Variants in IL15 observed in about 807,000 individuals in gnomAD.
IL15 encodes interleukin 15.
IL15 carries 11 observed loss-of-function variants against 19.6 expected under a neutral mutation model. That is an observed-to-expected ratio of 0.56 (90% CI 0.35 to 0.93). The LOEUF (loss-of-function observed/expected upper bound fraction) is 0.93, where lower values mean the gene tolerates loss of function less well. Among genes scored for constraint, IL15 ranks in the 40% least tolerant of loss-of-function variants. The pLI is 0.01. For synonymous variants in IL15, 58 were observed against 59.6 expected (o/e 0.97, Z 0.12); for missense variants, 197 against 186.5 (o/e 1.06, Z -0.33).
chr4:141,696,438 A>G (rs971885859), intron 2 of IL15, among the ~76,000 whole-genome samples: 2 of 152,070 alleles, frequency 1.3e-5, no homozygotes, highest in African/African-American at 4.8e-5. Context: ...CATGAATTTT[A>G]GAATTTCTTT....
intron 4 of IL15, chr4:141,720,786 G>A (rs1003369127): frequency 1.6e-5 from 9 of 566,292 alleles, no homozygotes; most frequent in African/African-American, 3.8e-5. Flanking sequence ...AAGCATTATA[G>A]CCCTCAAATA....
intron 6 of IL15, among the ~76,000 whole-genome samples, chr4:141,729,414 C>A (rs60244316): frequency 0.026 from 3,998 of 152,204 alleles, 179 homozygotes; most frequent in African/African-American, 0.091. Flanking sequence ...CCCTCTGGAA[C>A]TTTGGAACTT....
At chr4:141,651,243 AT>A (rs1288038116) in intron 1 of IL15, among the ~76,000 whole-genome samples, 3 of 151,972 alleles carry the variant, frequency 2.0e-5, no homozygotes, top group Non-Finnish European at 2.9e-5. Context: ...ATGAAATACT[AT>A]TCAGCCATAA....
At chr4:141,646,832 T>C (rs1727242197) in intron 1 of IL15, among the ~76,000 whole-genome samples, 1 of 152,088 alleles carries the variant, frequency 6.6e-6, no homozygotes, top group African/African-American at 2.4e-5. Context: ...ACATCTCCCT[T>C]CATTAGAATA....
chr4:141,657,475 C>T (rs1298784042), intron 2 of IL15, among the ~76,000 whole-genome samples: 4 of 151,834 alleles, frequency 2.6e-5, no homozygotes, highest in African/African-American at 9.7e-5. Flanking sequence ...TTTTCTTTAA[C>T]TTTTTGACTT....
chr4:141,651,903 C>T (rs559664237), intron 1 of IL15, among the ~76,000 whole-genome samples: 1 of 152,132 alleles, frequency 6.6e-6, no homozygotes, highest in South Asian at 2.1e-4. Context: ...ATAAAACCCT[C>T]CAAAGAAATC....
chr4:141,675,440 A>T, intron 2 of IL15, among the ~76,000 whole-genome samples: 1 of 152,302 alleles, frequency 6.6e-6, no homozygotes, highest in South Asian at 2.1e-4. Context: ...GAACTCCAGC[A>T]CTATAAGTCT....
intron 5 of IL15, among the ~76,000 whole-genome samples, chr4:141,725,130 C>G (rs1375331526): frequency 1.3e-5 from 2 of 152,104 alleles, no homozygotes; most frequent in Non-Finnish European, 2.9e-5. Context: ...GTACACAAGT[C>G]TTGCTCAATT....
chr4:141,664,390 CAA>C (rs56935103), intron 2 of IL15, among the ~76,000 whole-genome samples: 5 of 139,560 alleles, frequency 3.6e-5, no homozygotes, highest in Admixed American at 2.1e-4. Context: ...CACACACACA[CAA>C]AACCAACAAC....
At chr4:141,656,937 G>A (rs1047058543) in intron 2 of IL15, among the ~76,000 whole-genome samples, 15 of 152,062 alleles carry the variant, frequency 9.9e-5, no homozygotes, top group African/African-American at 2.7e-4. Context: ...GTTCAGTCTC[G>A]ATAACTAAAC....
chr4:141,719,757 C>T (rs1409584313), intron 3 of IL15, among the ~76,000 whole-genome samples: 1 of 151,940 alleles, frequency 6.6e-6, no homozygotes, highest in East Asian at 1.9e-4. Flanking sequence ...ATTGTGTAGT[C>T]TTAGAGGGCA....
chr4:141,682,780 C>T (rs1728575296), intron 2 of IL15, among the ~76,000 whole-genome samples: 2 of 152,148 alleles, frequency 1.3e-5, no homozygotes, highest in South Asian at 4.2e-4. Flanking sequence ...CACAGTGAAA[C>T]CCGGTCTCTA....
chr4:141,690,400 T>G (rs1055417627), intron 2 of IL15, among the ~76,000 whole-genome samples: 1 of 152,204 alleles, frequency 6.6e-6, no homozygotes, highest in African/African-American at 2.4e-5. Context: ...CTGTGAGGAC[T>G]GACAGCAGGC....
chr4:141,667,345 C>A (rs1728024799), intron 2 of IL15, among the ~76,000 whole-genome samples: 1 of 152,116 alleles, frequency 6.6e-6, no homozygotes, highest in Non-Finnish European at 1.5e-5. Flanking sequence ...GAGCCTCCAA[C>A]CTGTGTGATC....
intron 6 of IL15, among the ~76,000 whole-genome samples, chr4:141,729,142 A>AT (rs954745750): frequency 1.3e-5 from 2 of 151,828 alleles, no homozygotes; most frequent in Admixed American, 6.6e-5. Context: ...GTATTCCTTC[A>AT]TTTTTTTTAT....
chr4:141,676,496 A>C (rs1276354553), intron 2 of IL15, among the ~76,000 whole-genome samples: 1 of 152,204 alleles, frequency 6.6e-6, no homozygotes, highest in African/African-American at 2.4e-5. Flanking sequence ...TTCAGCCTCT[A>C]GATCAAGGGG....
chr4:141,691,813 A>G (rs1728921899), intron 2 of IL15, among the ~76,000 whole-genome samples: 1 of 152,090 alleles, frequency 6.6e-6, no homozygotes, highest in Admixed American at 6.5e-5. Flanking sequence ...GTTTTCCAGG[A>G]TCATATTGCA....
chr4:141,720,539 A>C lies in IL15; in HGVS notation c.83A>C (p.Glu28Ala), dbSNP rs1441940746. The change falls in exon 4 of 8, where the codon GAA becomes GCA. Residue 28 changes from glutamate (E) to alanine (A), a missense_variant. Transcript: ENST00000320650. ...CLLLNSHFLT[E>A]AGIHVFILGC... Reference sequence around the variant, plus strand: ...CTTCTAAACAGTCATTTTCTAACTGAAGCTGGCATTCATGTCTTCATTTTG... The same window carrying C: ...CTTCTAAACAGTCATTTTCTAACTGCAGCTGGCATTCATGTCTTCATTTTG... 1.3e-6 allele frequency: 2 copies of C among 1,583,844 alleles called. No individual in the cohort carries two copies. The highest frequency in any genetic ancestry group is 3.3e-5 in the Admixed American group (2 of 59,836).
Position 141,727,832 on chromosome 4 carries a change from CAAAAT to C in IL15, c.196-103_196-99del. 5 of 642,610 alleles carry C rather than the reference CAAAAT, an allele frequency of 7.8e-6. No homozygotes were observed. The South Asian group carries it at 8.9e-5, about 11-fold the overall frequency. The allele number at this position is 642,610 out of a possible 1,614,324, so 39.8% of individuals were successfully genotyped here. A position where few individuals can be genotyped will look rare whatever the true frequency, so the allele number is the denominator to read the frequency against. Reference sequence around the variant, plus strand: ...GTTTCATATGAATTTTAAATTATCTCAAAATAAAAAAAGAATTAAAAACAATTTAA... The same window carrying C: ...GTTTCATATGAATTTTAAATTATCTCAAAAAAAGAATTAAAAACAATTTAA... On this transcript the variant is annotated intron_variant, in intron 5 of 7. Coordinates refer to ENST00000320650, the MANE Select transcript of IL15 (RefSeq NM_000585.5).
Sources: allele counts gnomAD v4.1 joint callset (sites outside exome capture counted in the v4.1 genomes callset), GRCh38; gene constraint gnomAD v4.1.1; transcripts MANE v1.5; gene names NCBI Gene and HGNC (gene_info 2026-07-23, HGNC 2026-07-21).